The following KDM2B variants were observed in gnomAD, a reference collection of about 807,000 sequenced individuals.
The protein encoded by KDM2B is lysine demethylase 2B.
A neutral mutation model predicts 150.0 loss-of-function variants in KDM2B; 26 were observed. The observed-to-expected ratio is 0.17, with a 90% CI of 0.13 to 0.24. The LOEUF (loss-of-function observed/expected upper bound fraction) is 0.24. KDM2B is among the 10% of genes least tolerant of loss of function. The probability of loss-of-function intolerance (pLI) is 1.00; values close to 1 mark genes in which losing one functional copy is unlikely to be tolerated. For synonymous variants in KDM2B, 734 were observed against 729.5 expected, an observed-to-expected ratio of 1.01 and a Z score of -0.10; for missense variants, 1,265 against 1,816.9, an observed-to-expected ratio of 0.70 and a Z score of 5.52.
At chr12:121,578,215 T>C (rs1891641763) in intron 2 of KDM2B, among the ~76,000 whole-genome samples, 1 of 152,270 alleles carries the variant, frequency 6.6e-6, no homozygotes, top group East Asian at 1.9e-4. Flanking sequence ...GTCAACAGCT[T>C]CAGGGCTCAT....
chr12:121,422,525 A>G, the KDM2B span, among the ~76,000 whole-genome samples: 3 of 152,232 alleles, frequency 2.0e-5, no homozygotes, highest in African/African-American at 7.2e-5. Context: ...GTCGTGGGCC[A>G]TGAACTAAGA....
intron 8 of KDM2B, among the ~76,000 whole-genome samples, chr12:121,522,263 C>G (rs1276008200): frequency 1.3e-5 from 2 of 152,180 alleles, no homozygotes; most frequent in Non-Finnish European, 2.9e-5. Flanking sequence ...CGCCTGTAAT[C>G]CCAGCACTTT....
chr12:121,508,136 G>C lies in KDM2B; in HGVS notation c.1647+1431C>G, dbSNP rs1214857087. 3.9e-5 allele frequency among the ~76,000 whole-genome samples: 6 copies of C among 152,264 alleles called. No homozygotes were observed. In the East Asian group the frequency reaches 7.7e-4, roughly 20 times the overall value. On this transcript the variant is annotated intron_variant, in intron 11 of 22. Transcript: ENST00000377071. ...GGGTCTTGCTCTGTTGCCCAGGCTA[G>C]AGTGCAGTGGCGAGACCATGGCTCC...
rs781891058 is a variant in KDM2B, at chr12:121,442,454, C to T, written c.2987G>A (p.Arg996His). The change falls in exon 19 of 23, where the codon CGC becomes CAC. Residue 996 changes from arginine (R) to histidine (H), a missense_variant. Arg to His is a conservative substitution (Grantham distance 29). Around this residue, in one of 11 missense-constraint regions of KDM2B, gnomAD observed 418 missense variants for 402.4 expected, o/e 1.04. Transcript: ENST00000377071. The surrounding 1 kb of genome is among the most constrained non-coding windows in gnomAD (Gnocchi z 7.7). The part of the protein sequence containing the change: ...RPPGICERPH[R>H]FSKGLNGTPR... ...GGTGCCGTTGAGCCCCTTGCTGAAGCGGTGGGGACGCTCGCAGATGCCCGG... is the reference window on the plus strand; with the variant it reads ...GGTGCCGTTGAGCCCCTTGCTGAAGTGGTGGGGACGCTCGCAGATGCCCGG... The T allele has an allele frequency of 2.5e-6, 4 of 1,599,706 alleles. No homozygotes were observed. The highest frequency in any genetic ancestry group is 2.5e-6 in the Non-Finnish European group (3 of 1,179,582).
At chr12:121,477,336 G>A (rs1334084028) in intron 12 of KDM2B, among the ~76,000 whole-genome samples, 1 of 151,968 alleles carries the variant, frequency 6.6e-6, no homozygotes, top group African/African-American at 2.4e-5. Context: ...ACAGGTATGA[G>A]CTACCATACC....
At chr12:121,440,291 T>G (rs1874755825) in intron 21 of KDM2B, 2 of 578,982 alleles carry the variant, frequency 3.5e-6, no homozygotes, top group African/African-American at 3.7e-5. Flanking sequence ...CTAAAAGACC[T>G]AGAAACACTA....
intron 12 of KDM2B, among the ~76,000 whole-genome samples, chr12:121,483,780 G>C (rs1344024769): frequency 6.6e-6 from 1 of 152,060 alleles, no homozygotes; most frequent in Non-Finnish European, 1.5e-5. Context: ...AGTGGGGAGA[G>C]AAGTGTGGAA....
chr12:121,473,158 AG>A (rs1315462146), intron 12 of KDM2B, among the ~76,000 whole-genome samples: 43 of 152,148 alleles, frequency 2.8e-4, no homozygotes, highest in African/African-American at 1.0e-3. Context: ...TGGGAAGCCA[AG>A]ACAGGAGGAT....
At position 121,513,672 on chromosome 12, in the gene KDM2B, G is replaced by A. The variant is rs1885783606; in HGVS notation, c.1048-270C>T. 6.6e-6 allele frequency among the ~76,000 whole-genome samples: 1 copy of A among 152,110 alleles called. No homozygotes were observed. Among genetic ancestry groups the A allele is most frequent in the Non-Finnish European group, 1.5e-5 (1 of 68,008 alleles). On this transcript the variant is annotated intron_variant, in intron 9 of 22. Transcript: ENST00000377071. This position sits in a 1 kb window ranked among gnomAD's most constrained non-coding sequence, Gnocchi z 5.0. ...AGAGGTTGGATGGGGGCCACTTGAT[G>A]CTCCCGTGAGATGCAGAAAAACAGA...
At chr12:121,580,429 T>A in intron 1 of KDM2B, 2 of 1,153,562 alleles carry the variant, frequency 1.7e-6, no homozygotes, top group Non-Finnish European at 2.1e-6. Flanking sequence ...CGGGCGCCGT[T>A]AGCGCCGTGG....
intron 1 of KDM2B, chr12:121,580,002 A>G: frequency 6.4e-7 from 1 of 1,565,304 alleles, no homozygotes; most frequent in Non-Finnish European, 8.6e-7. Flanking sequence ...AAAAAAAAAA[A>G]AAAAAAAAGC....
In KDM2B at chr12:121,430,348, C is replaced by T; in HGVS notation, c.3951G>A (p.Glu1317=). The part of the protein sequence containing the change: ...TKEGCEQFIA[E]MSVSVQFGQV... Reference sequence around the variant, plus strand: ...GCCCAAACTGGACACTCACAGACATCTCGGCTATGAACTGCTCACAGCCTT... The same window carrying T: ...GCCCAAACTGGACACTCACAGACATTTCGGCTATGAACTGCTCACAGCCTT... Residue 1317 remains glutamate, a synonymous_variant, in exon 23 of 23, where the codon GAG becomes GAA. Transcript: ENST00000377071. This position sits in a 1 kb window ranked among gnomAD's most constrained non-coding sequence, Gnocchi z 4.4. 1 of 1,614,132 alleles carries T rather than the reference C, an allele frequency of 6.2e-7. No individual in the cohort carries two copies. The highest frequency in any genetic ancestry group is 8.5e-7 in the Non-Finnish European group (1 of 1,179,982).
chr12:121,557,487 A>G (rs1002007265), intron 4 of KDM2B, among the ~76,000 whole-genome samples: 14 of 151,952 alleles, frequency 9.2e-5, no homozygotes, highest in African/African-American at 2.2e-4. Context: ...TGATCCACCC[A>G]CCTCAGCCTC....
chr12:121,573,518 G>A (rs1891268593), intron 4 of KDM2B, among the ~76,000 whole-genome samples: 2 of 150,808 alleles, frequency 1.3e-5, no homozygotes, highest in Non-Finnish European at 2.9e-5. Context: ...CAAGCGATCT[G>A]CCTGTCTCAG....
At chr12:121,506,622 T>C (rs1885092384) in intron 11 of KDM2B, among the ~76,000 whole-genome samples, 1 of 151,534 alleles carries the variant, frequency 6.6e-6, no homozygotes, top group South Asian at 2.1e-4. Flanking sequence ...GCCAACACGG[T>C]GAAACCCCCA....
chr12:121,498,975 A>G (rs1021205423), intron 11 of KDM2B, among the ~76,000 whole-genome samples: 1 of 151,934 alleles, frequency 6.6e-6, no homozygotes, highest in South Asian at 2.1e-4. Flanking sequence ...ACGACCGACT[A>G]ATTTTTTAAT....
chr12:121,499,584 C>T (rs1453429561), intron 11 of KDM2B, among the ~76,000 whole-genome samples: 7 of 151,824 alleles, frequency 4.6e-5, no homozygotes, highest in Admixed American at 1.3e-4. Context: ...CCCAGGAGTT[C>T]GAGGCTGCAG....
chr12:121,520,432 A>C lies in KDM2B; in HGVS notation c.1047+553T>G, dbSNP rs1886588063. On this transcript the variant is annotated intron_variant, in intron 9 of 22. Transcript: ENST00000377071. This position sits in a 1 kb window ranked among gnomAD's most constrained non-coding sequence, Gnocchi z 4.5. ...ACCGTCCCTGTCAAGGGCAGAGAAA[A>C]GCCTCGGCCCCAGGAAACTAGAGAC... Among the ~76,000 whole-genome samples, 1 of 152,066 alleles carries C rather than the reference A, an allele frequency of 6.6e-6. No homozygotes were observed. The highest frequency in any genetic ancestry group is 6.5e-5 in the Admixed American group (1 of 15,268).
chr12:121,526,183 CTCTACTAA>C (rs1887114487), intron 8 of KDM2B, among the ~76,000 whole-genome samples: 1 of 152,158 alleles, frequency 6.6e-6, no homozygotes, highest in African/African-American at 2.4e-5. Flanking sequence ...GAAACCCCGT[CTCTACTAA>C]AAATAGAAAA....
Sources: gnomAD v4.1 joint callset for allele counts (sites outside exome capture counted in the v4.1 genomes callset) on GRCh38, gnomAD v4.1.1 for gene constraint, gnomAD v4.1.1 regional missense constraint, Gnocchi (gnomAD v3.1) non-coding constraint, MANE v1.5 for transcripts, NCBI Gene and HGNC (gene_info 2026-07-23, HGNC 2026-07-21) for gene names.